The following CACNA1C variants were observed in gnomAD, a reference collection of about 807,000 sequenced individuals.
The protein encoded by CACNA1C is calcium voltage-gated channel subunit alpha1 C.
Under a neutral mutation model 229.0 loss-of-function variants are expected in CACNA1C, and 30 were observed. The ratio of observed to expected loss-of-function variants is 0.13; its 90% CI spans 0.10 to 0.18. The LOEUF is 0.18. CACNA1C is among the 10% of genes least tolerant of loss of function. CACNA1C has a pLI of 1.00. For missense variants in CACNA1C, 1,658 were observed against 2,845.0 expected, an observed-to-expected ratio of 0.58 and a Z score of 9.49; for synonymous variants, 1,114 against 1,132.5, an observed-to-expected ratio of 0.98 and a Z score of 0.33.
chr12:2,400,556 G>C (rs967805807), intron 3 of CACNA1C, among the ~76,000 whole-genome samples: 1 of 152,082 alleles, frequency 6.6e-6, no homozygotes, highest in Non-Finnish European at 1.5e-5. Flanking sequence ...ACCCACACAG[G>C]GCTGCTACGA....
rs561043790 is a variant in CACNA1C, at chr12:2,275,271, T to C, written c.477+154841T>C. ...ATCTTTCTTTCCTTTGCCCAATACATGTCAGGCTCTGTGTGGCAAGGGCGA... is the reference window on the plus strand; with the variant it reads ...ATCTTTCTTTCCTTTGCCCAATACACGTCAGGCTCTGTGTGGCAAGGGCGA... On this transcript the variant is annotated intron_variant, in intron 3 of 46. Transcript: ENST00000399655. The surrounding 1 kb of genome is among the most constrained non-coding windows in gnomAD (Gnocchi z 4.1). 2.0e-5 allele frequency among the ~76,000 whole-genome samples: 3 copies of C among 152,310 alleles called. No homozygotes were observed. The East Asian group carries it at 5.8e-4, about 29-fold the overall frequency.
At chr12:2,437,907 A>C (rs1371483334) in intron 3 of CACNA1C, among the ~76,000 whole-genome samples, 6 of 137,558 alleles carry the variant, frequency 4.4e-5, no homozygotes, top group Non-Finnish European at 9.3e-5. Context: ...GTGATAGTAG[A>C]GGTAGTAGAG....
chr12:1,993,475 G>A (rs2039994262), intron 1 of CACNA1C: 3 of 1,513,960 alleles, frequency 2.0e-6, no homozygotes, highest in Admixed American at 4.0e-5. Context: ...ATTCTGATGT[G>A]TCTCTCAACC....
intron 3 of CACNA1C, among the ~76,000 whole-genome samples, chr12:2,367,094 A>T (rs561799910): frequency 6.6e-6 from 1 of 152,330 alleles, no homozygotes; most frequent in Non-Finnish European, 1.5e-5. Context: ...ATATCACACC[A>T]GTCTCATGGA....
rs558849566 is a variant in CACNA1C, at chr12:2,342,229, G to C, written c.478-106747G>C. ...AAGTTACCCACCCTGAACTCATGCT[G>C]GGTATCCTCAGTCAGGGCATCGTTC... is the stretch of plus-strand genomic sequence containing the variant. On this transcript the variant is annotated intron_variant, in intron 3 of 46. Coordinates refer to ENST00000399655, the MANE Select transcript of CACNA1C (RefSeq NM_000719.7). 4.6e-5 allele frequency among the ~76,000 whole-genome samples: 7 copies of C among 152,260 alleles called. No individual in the cohort carries two copies. The East Asian group carries it at 1.4e-3, about 29-fold the overall frequency.
chr12:2,161,296 G>A lies in CACNA1C; in HGVS notation c.477+40866G>A, dbSNP rs114848189. 2.6e-3 allele frequency among the ~76,000 whole-genome samples: 399 copies of A among 152,318 alleles called. 1 individual carries two copies. Among genetic ancestry groups the A allele is most frequent in the African/African-American group, 8.8e-3 (365 of 41,562 alleles). On this transcript the variant is annotated intron_variant, in intron 3 of 46. Transcript: ENST00000399655. ...AGGGGGTCTCTGGGAGGGGAGAGAC[G>A]GGGGCACTGCATGCTACTTAGTTAT...
At position 2,345,084 on chromosome 12, in the gene CACNA1C, A is replaced by T. The variant is rs2096973319; in HGVS notation, c.478-103892A>T. ...GTGAGCCCCATGTCTGTGGGTTTGAATGATCTAGAGAGGAACTGCATGCTC... is the reference window on the plus strand; with the variant it reads ...GTGAGCCCCATGTCTGTGGGTTTGATTGATCTAGAGAGGAACTGCATGCTC... On this transcript the variant is annotated intron_variant, in intron 3 of 46. Coordinates refer to ENST00000399655, the MANE Select transcript of CACNA1C (RefSeq NM_000719.7). 1.3e-5 allele frequency among the ~76,000 whole-genome samples: 2 copies of T among 149,652 alleles called. 1 individual carries two copies. Among genetic ancestry groups the T allele is most frequent in the South Asian group, 4.4e-4 (2 of 4,554 alleles).
intron 3 of CACNA1C, among the ~76,000 whole-genome samples, chr12:2,228,828 G>C (rs76618989): frequency 0.015 from 2,309 of 152,326 alleles, 49 homozygotes; most frequent in African/African-American, 0.046. Context: ...CCAGGTGCCA[G>C]GGAAAGAGGA....
chr12:2,650,501 T>C (rs2094838839), intron 31 of CACNA1C, among the ~76,000 whole-genome samples: 2 of 152,058 alleles, frequency 1.3e-5, no homozygotes, highest in Non-Finnish European at 2.9e-5. Context: ...GAGGGTCCAT[T>C]CTCTCCCGGT....
intron 5 of CACNA1C, among the ~76,000 whole-genome samples, chr12:2,482,515 G>C (rs1043228764): frequency 1.5e-4 from 23 of 152,222 alleles, no homozygotes; most frequent in Admixed American, 1.5e-3. Flanking sequence ...CTACTTCCTA[G>C]GTTGTTGCCG....
At chr12:2,159,491 C>CAATAAATA (rs545096838) in intron 3 of CACNA1C, among the ~76,000 whole-genome samples, 1 of 150,152 alleles carries the variant, frequency 6.7e-6, no homozygotes, top group Admixed American at 6.6e-5. Flanking sequence ...GAGACCCTGT[C>CAATAAATA]AATAAATAAA....
chr12:2,207,076 T>TA (rs2097774940), intron 3 of CACNA1C, among the ~76,000 whole-genome samples: 1 of 151,922 alleles, frequency 6.6e-6, no homozygotes, highest in African/African-American at 2.4e-5. Context: ...AAAGGGGACT[T>TA]GCTTTGGGGA....
At chr12:2,453,657 T>G (rs1287171535) in intron 4 of CACNA1C, among the ~76,000 whole-genome samples, 1 of 152,058 alleles carries the variant, frequency 6.6e-6, no homozygotes, top group Non-Finnish European at 1.5e-5. Context: ...ATCTAATCCC[T>G]CCTTTCTCAC....
At chr12:2,473,646 G>A (rs7968723) in intron 5 of CACNA1C, among the ~76,000 whole-genome samples, 112,181 of 152,020 alleles carry the variant, frequency 0.74, 41,986 homozygotes, top group East Asian at 0.88. Context: ...TTTTAAAGAT[G>A]TTGAAACCTG....
chr12:2,401,186 C>T (rs940886912), intron 3 of CACNA1C, among the ~76,000 whole-genome samples: 1 of 152,186 alleles, frequency 6.6e-6, no homozygotes, highest in Non-Finnish European at 1.5e-5. Context: ...TTTGAGTCTC[C>T]AGTCCTTGTT....
chr12:2,627,867 C>A (rs908159712), intron 29 of CACNA1C, among the ~76,000 whole-genome samples: 1 of 152,180 alleles, frequency 6.6e-6, no homozygotes, highest in Non-Finnish European at 1.5e-5. Context: ...CGCTCCGTGA[C>A]CCATGTGTCC....
chr12:2,685,953 T>TG lies in CACNA1C; in HGVS notation c.5680+115dup, dbSNP rs577376387. ...CCTGCCTCAAATCAGCCCCACACAG[T>TG]GGGGCATTTCCAAAGCAAGGAGACA... On this transcript the variant is annotated intron_variant, in intron 44 of 46. Coordinates refer to ENST00000399655, the MANE Select transcript of CACNA1C (RefSeq NM_000719.7). The TG allele has an allele frequency of 0.058, 50,012 of 857,198 alleles. 2,905 individuals are homozygous for TG. The highest frequency in any genetic ancestry group is 0.19 in the East Asian group (7,166 of 37,720). The allele number at this position is 857,198 out of a possible 1,614,324, so 53.1% of individuals were successfully genotyped here.
chr12:2,524,051 G>C (rs2099814495), intron 9 of CACNA1C, among the ~76,000 whole-genome samples: 1 of 152,218 alleles, frequency 6.6e-6, no homozygotes, highest in Non-Finnish European at 1.5e-5. Context: ...AGTAATGGAG[G>C]GAGATTAGCC....
At chr12:2,351,241 C>A (rs1029953347) in intron 3 of CACNA1C, among the ~76,000 whole-genome samples, 4 of 152,120 alleles carry the variant, frequency 2.6e-5, no homozygotes, top group African/African-American at 9.7e-5. Flanking sequence ...GCTGTGATGA[C>A]CAAAAATGTC....
Sources: gnomAD v4.1 joint callset for allele counts (sites outside exome capture counted in the v4.1 genomes callset) on GRCh38, gnomAD v4.1.1 for gene constraint, Gnocchi (gnomAD v3.1) non-coding constraint, MANE v1.5 for transcripts, NCBI Gene and HGNC (gene_info 2026-07-23, HGNC 2026-07-21) for gene names.